The following KLHL29 variants were observed in gnomAD, a reference collection of about 807,000 sequenced individuals.
KLHL29 encodes kelch-like protein 29.
A neutral mutation model predicts 80.4 loss-of-function variants in KLHL29; 21 were observed. That is an observed-to-expected ratio of 0.26 (90% CI 0.19 to 0.38). KLHL29 has a LOEUF of 0.38. KLHL29 is among the 10% of genes least tolerant of loss of function. The probability of loss-of-function intolerance (pLI) is 1.00; values close to 1 mark genes in which losing one functional copy is unlikely to be tolerated. For missense variants in KLHL29, 867 were observed against 1,223.9 expected, an observed-to-expected ratio of 0.71 and a Z score of 4.35; for synonymous variants, 511 against 526.8, an observed-to-expected ratio of 0.97 and a Z score of 0.41.
At chr2:23,532,983 G>A (rs1352360260) in intron 2 of KLHL29, among the ~76,000 whole-genome samples, 2 of 152,132 alleles carry the variant, frequency 1.3e-5, no homozygotes, top group South Asian at 2.1e-4. Flanking sequence ...TTCCCTCTAC[G>A]TCTCTGCAAC....
chr2:23,620,284 A>G (rs981183023), intron 3 of KLHL29, among the ~76,000 whole-genome samples: 1 of 152,166 alleles, frequency 6.6e-6, no homozygotes, highest in Non-Finnish European at 1.5e-5. Context: ...CCCTTCGACA[A>G]TGGGATTGGA....
chr2:23,685,093 C>T (rs114689407), intron 6 of KLHL29, among the ~76,000 whole-genome samples: 4,975 of 152,358 alleles, frequency 0.033, 102 homozygotes, highest in South Asian at 0.085. Flanking sequence ...CACTGCATGT[C>T]TGATCCTTGT....
At chr2:23,429,745 CTCTG>C (rs925796765) in intron 1 of KLHL29, among the ~76,000 whole-genome samples, 9 of 150,988 alleles carry the variant, frequency 6.0e-5, no homozygotes, top group Non-Finnish European at 1.2e-4. Context: ...CAGAGCAAGA[CTCTG>C]TCTAAGAAAA....
At chr2:23,454,284 ACCTCC>A (rs1287363690) in intron 1 of KLHL29, among the ~76,000 whole-genome samples, 1 of 142,966 alleles carries the variant, frequency 7.0e-6, no homozygotes, top group African/African-American at 2.7e-5. Flanking sequence ...TCAGCCTGTC[ACCTCC>A]CCTCCCCTCC....
intron 8 of KLHL29, among the ~76,000 whole-genome samples, chr2:23,694,210 G>A (rs1321440255): frequency 5.9e-5 from 9 of 152,198 alleles, no homozygotes; most frequent in African/African-American, 1.2e-4. Context: ...TCACCAAGCC[G>A]AAAGCCTACA....
At chr2:23,665,000 A>G (rs1198218368) in intron 5 of KLHL29, among the ~76,000 whole-genome samples, 1 of 152,256 alleles carries the variant, frequency 6.6e-6, no homozygotes, top group East Asian at 1.9e-4. Context: ...TTAAAAGTGC[A>G]CAGAGATAGT....
intron 2 of KLHL29, among the ~76,000 whole-genome samples, chr2:23,498,202 T>G (rs951094084): frequency 2.6e-5 from 4 of 152,194 alleles, no homozygotes; most frequent in African/African-American, 9.7e-5. Context: ...AGGGTAGGTT[T>G]GTTTGTTTTG....
chr2:23,597,869 CT>C (rs1668467545), intron 3 of KLHL29, among the ~76,000 whole-genome samples: 1 of 152,170 alleles, frequency 6.6e-6, no homozygotes, highest in African/African-American at 2.4e-5. Context: ...GACCTGTGGT[CT>C]TTCCGCAACC....
intron 2 of KLHL29, among the ~76,000 whole-genome samples, chr2:23,516,208 C>T (rs765833136): frequency 2.4e-4 from 37 of 151,876 alleles, no homozygotes; most frequent in Non-Finnish European, 4.4e-4. Flanking sequence ...TAAGGCAGGG[C>T]TCTACTTACA....
chr2:23,593,612 G>C (rs1668322260), intron 3 of KLHL29, among the ~76,000 whole-genome samples: 2 of 152,172 alleles, frequency 1.3e-5, no homozygotes, highest in South Asian at 4.1e-4. Context: ...AGAAGTGATG[G>C]AAGGACGTCA....
intron 3 of KLHL29, among the ~76,000 whole-genome samples, chr2:23,564,978 A>G (rs1441352095): frequency 6.6e-6 from 1 of 152,226 alleles, no homozygotes; most frequent in Non-Finnish European, 1.5e-5. Context: ...GTGACCCTGG[A>G]CAGGTTACCT....
intron 1 of KLHL29, among the ~76,000 whole-genome samples, chr2:23,393,460 C>T (rs1357899953): frequency 2.0e-5 from 3 of 152,136 alleles, no homozygotes; most frequent in East Asian, 1.9e-4. Flanking sequence ...GCATCCGTGC[C>T]GTCTGTCCTC....
At chr2:23,532,454 C>T (rs1304770208) in intron 2 of KLHL29, 18 of 414,708 alleles carry the variant, frequency 4.3e-5, no homozygotes, top group South Asian at 2.9e-4. Context: ...ACCCTCTGCA[C>T]CCAGGGCAGC....
intron 1 of KLHL29, among the ~76,000 whole-genome samples, chr2:23,445,030 A>G (rs1388241805): frequency 6.6e-6 from 1 of 152,216 alleles, no homozygotes; most frequent in African/African-American, 2.4e-5. Context: ...GACATATAAC[A>G]AAACCAATTT....
chr2:23,604,189 T>G (rs944021908), intron 3 of KLHL29, among the ~76,000 whole-genome samples: 1 of 152,168 alleles, frequency 6.6e-6, no homozygotes, highest in Non-Finnish European at 1.5e-5. Flanking sequence ...TCTCACTCTT[T>G]CGCCCAGGCT....
At chr2:23,386,653 C>T (rs1054097942) in intron 1 of KLHL29, among the ~76,000 whole-genome samples, 3 of 152,086 alleles carry the variant, frequency 2.0e-5, no homozygotes, top group African/African-American at 7.2e-5. Flanking sequence ...GCTCGCGTCC[C>T]GGTCTCCGTG....
At chr2:23,626,714 G>A (rs930879939) in intron 3 of KLHL29, among the ~76,000 whole-genome samples, 28 of 152,214 alleles carry the variant, frequency 1.8e-4, no homozygotes, top group Admixed American at 9.2e-4. Context: ...CAGAGGCCCC[G>A]CCGCCCTGCC....
chr2:23,484,512 G>A (rs1260535316), intron 2 of KLHL29, among the ~76,000 whole-genome samples: 2 of 152,224 alleles, frequency 1.3e-5, no homozygotes, highest in African/African-American at 4.8e-5. Context: ...TACACAGGCA[G>A]GTGCTGAAAG....
At chr2:23,528,100 T>A (rs1439730031) in intron 2 of KLHL29, among the ~76,000 whole-genome samples, 2 of 152,262 alleles carry the variant, frequency 1.3e-5, no homozygotes, top group African/African-American at 4.8e-5. Context: ...AAGAAATTAA[T>A]TTTAGTCTTT....
Sources: gnomAD v4.1 joint callset for allele counts (sites outside exome capture counted in the v4.1 genomes callset) on GRCh38, gnomAD v4.1.1 for gene constraint, MANE v1.5 for transcripts, NCBI Gene and HGNC (gene_info 2026-07-23, HGNC 2026-07-21) for gene names.